PLEKHM2: variants seen among roughly 807,000 people sequenced by gnomAD.
PLEKHM2 encodes the protein pleckstrin homology and RUN domain containing M2, also known as pleckstrin homology domain-containing family M member 2.
In PLEKHM2, 77 loss-of-function variants were observed where a neutral mutation model predicts 116.3. The ratio of observed to expected loss-of-function variants is 0.66; its 90% confidence interval spans 0.55 to 0.80. The LOEUF is 0.80. Ranked by LOEUF, PLEKHM2 falls within the 30% of genes least tolerant of loss-of-function variation. The pLI is 0.00. For synonymous variants in PLEKHM2, 562 were observed against 571.0 expected, an observed-to-expected ratio of 0.98 and a Z score of 0.22; for missense variants, 1,183 against 1,354.9, an observed-to-expected ratio of 0.87 and a Z score of 1.99.
At chr1:15,681,576 G>A (rs376373184), upstream of PLEKHM2, 4 of 478,732 alleles carry the variant, frequency 8.4e-6, no homozygotes, top group Non-Finnish European at 1.7e-5. Flanking sequence ...AGCTTGTTGG[G>A]TCAGTTTTGG....
rs372581458 is a variant in PLEKHM2, at chr1:15,727,988, C to T, written c.1761-91C>T. ...CCTAACTTTGGCTCCTAGTGGGAGG[C>T]GGAGGCACTACCCCCTGGCTCTGGG... On this transcript the variant is annotated intron_variant, in intron 9 of 19. Transcript: ENST00000375799. This position sits in a 1 kb window ranked among gnomAD's most constrained non-coding sequence, Gnocchi z 7.5. The T allele has an allele frequency of 8.1e-6, 10 of 1,241,556 alleles. No homozygotes were observed. The highest frequency in any genetic ancestry group is 3.0e-5 in the African/African-American group (2 of 67,274). 76.9% of individuals were successfully genotyped at this position (1,241,556 alleles called of 1,614,324 possible).
rs1016630573 is a variant in PLEKHM2, at chr1:15,729,666, T to C, written c.2076-131T>C. The C allele has an allele frequency of 1.3e-6, 1 of 747,842 alleles. No homozygotes were observed. The highest frequency in any genetic ancestry group is 1.7e-5 in the African/African-American group (1 of 57,336). 46.3% of individuals were successfully genotyped at this position (747,842 alleles called of 1,614,324 possible). On this transcript the variant is annotated intron_variant, in intron 13 of 19. Coordinates refer to ENST00000375799, the MANE Select transcript of PLEKHM2 (RefSeq NM_015164.4). The surrounding 1 kb of genome is among the most constrained non-coding windows in gnomAD (Gnocchi z 4.7). ...GTCATTGCCGCACCTGCCGCCCTGG[T>C]CACTGGGTCTAGCCAGGTCTCTCCC...
chr1:15,684,848 TC>T (rs1424382819), intron 1 of PLEKHM2, among the ~76,000 whole-genome samples: 2 of 151,798 alleles, frequency 1.3e-5, no homozygotes, highest in African/African-American at 2.4e-5. Context: ...CCTCGGAGCT[TC>T]CCCAAACCTG....
rs560767681 is a variant in PLEKHM2, at chr1:15,728,400, T to G, written c.1921+43T>G. ...GCAGACAGCGGGTTGTAGACGAGGC[T>G]GACTCTCAGCCCCTTTTCCCCAGTC... On this transcript the variant is annotated intron_variant, in intron 11 of 19. Transcript: ENST00000375799. The surrounding 1 kb of genome is among the most constrained non-coding windows in gnomAD (Gnocchi z 5.9). 1 of 1,546,570 alleles carries G rather than the reference T, an allele frequency of 6.5e-7. No homozygotes were observed. The highest frequency in any genetic ancestry group is 1.4e-5 in the African/African-American group (1 of 73,816).
At position 15,732,466 on chromosome 1, in the gene PLEKHM2, C is replaced by A. The variant is rs914651221; in HGVS notation, c.2742C>A (p.Gly914=). ...AGACCAGCTTCTTCCGCTCTTTGGG[C>A]ACAGCCAAGCTGGGCGACATCAGCG... ...DCQTSFFRSL[G]TAKLGDISAV... Residue 914 remains glycine, a synonymous_variant, in exon 18 of 20, where the codon GGC becomes GGA. Coordinates refer to ENST00000375799, the MANE Select transcript of PLEKHM2 (RefSeq NM_015164.4). 1.2e-6 allele frequency: 2 copies of A among 1,603,482 alleles called. No homozygotes were observed. Among genetic ancestry groups the A allele is most frequent in the African/African-American group, 2.7e-5 (2 of 74,788 alleles).
intron 1 of PLEKHM2, among the ~76,000 whole-genome samples, chr1:15,709,685 C>T (rs1184385498): frequency 1.3e-5 from 2 of 152,198 alleles, no homozygotes; most frequent in African/African-American, 4.8e-5. Flanking sequence ...CATATACACT[C>T]TTTGTACTGT....
intron 1 of PLEKHM2, among the ~76,000 whole-genome samples, chr1:15,702,038 C>T (rs1310685762): frequency 3.3e-5 from 5 of 152,172 alleles, no homozygotes; most frequent in African/African-American, 7.2e-5. Flanking sequence ...CTGATACGGA[C>T]GGGTCGCCCA....
intron 1 of PLEKHM2, among the ~76,000 whole-genome samples, chr1:15,692,744 A>G (rs944980496): frequency 6.8e-6 from 1 of 147,880 alleles, no homozygotes; most frequent in Non-Finnish European, 1.5e-5. Flanking sequence ...TGCCCCATTC[A>G]CTTTTTCTTT....
upstream of PLEKHM2, among the ~76,000 whole-genome samples, chr1:15,682,324 G>A (rs1162021318): frequency 2.6e-5 from 4 of 151,306 alleles, no homozygotes; most frequent in Non-Finnish European, 5.9e-5. Context: ...GGTGGCAGGC[G>A]CCCGTAATCC....
Position 15,725,528 on chromosome 1 carries a change from G to T in PLEKHM2, c.924G>T (p.Thr308=). ...CCCTGGACCCGCCGGATGCCTGCAC[G>T]GAGCTCGAGGTCATCAGGTCAGCAG... ...AQALDPPDAC[T]ELEVIRVTKK... The change falls in exon 8 of 20, where the codon ACG becomes ACT. Residue 308 remains threonine (T), a synonymous_variant. Coordinates refer to ENST00000375799, the MANE Select transcript of PLEKHM2 (RefSeq NM_015164.4). The T allele has an allele frequency of 6.4e-7, 1 of 1,566,564 alleles. No individual in the cohort carries two copies. Among genetic ancestry groups the T allele is most frequent in the Non-Finnish European group, 8.6e-7 (1 of 1,156,578 alleles).
rs2148371649 is a variant in PLEKHM2, at chr1:15,727,175, T to C, written c.1103T>C (p.Met368Thr). The C allele has an allele frequency of 6.2e-7, 1 of 1,604,448 alleles. No individual in the cohort carries two copies. ...CTTGGGCGGGACTCGCCAGACACTA[T>C]GCTTGCCTCCCCCCAGGAGGAGGGA... ...PSLGRDSPDT[M>T]LASPQEEGEG... The change falls in exon 9 of 20, where the codon ATG (methionine) becomes ACG (threonine). Residue 368 changes from methionine to threonine, a missense_variant. Physicochemically the swap from Met to Thr is moderately conservative, Grantham distance 81 (BLOSUM62 -1). This residue lies in a region of PLEKHM2 where 372 missense variants were observed against 357.2 expected (regional missense o/e 1.04). Coordinates refer to ENST00000375799, the MANE Select transcript of PLEKHM2 (RefSeq NM_015164.4). The surrounding 1 kb of genome is among the most constrained non-coding windows in gnomAD (Gnocchi z 7.5).
intron 7 of PLEKHM2, among the ~76,000 whole-genome samples, chr1:15,724,534 C>T (rs1324092055): frequency 6.6e-6 from 1 of 151,632 alleles, no homozygotes; most frequent in Non-Finnish European, 1.5e-5. Context: ...CTTGCAGGGG[C>T]ACCTGGTCCT....
intron 4 of PLEKHM2, 80 bp downstream of exon 4, chr1:15,718,072 C>A: frequency 1.1e-6 from 1 of 890,986 alleles, no homozygotes. Context: ...GTCATGCAGA[C>A]AGCACAGTGT....
rs375841573 is a variant in PLEKHM2 at position 15,732,413 on chromosome 1, C to T, written c.2689C>T (p.Arg897Cys). The T allele has an allele frequency of 2.5e-5, 39 of 1,574,168 alleles. No individual in the cohort carries two copies. The highest frequency in any genetic ancestry group is 1.1e-4 in the African/African-American group (8 of 74,186). ...IPCCLVLTDD[R>C]LFTCHEDCQT... The stretch of plus-strand genomic sequence containing the variant: ...CTGCTGCCTGGTCCTCACGGATGAC[C>T]GCCTCTTTACGTGCCATGAGGATTG... Residue 897 changes from arginine (R) to cysteine (C), a missense_variant, in exon 18 of 20, where the codon CGC becomes TGC. This residue lies in a region of PLEKHM2 where 594 missense variants were observed against 720.1 expected (regional missense o/e 0.82). Coordinates refer to ENST00000375799, the MANE Select transcript of PLEKHM2 (RefSeq NM_015164.4).
At chr1:15,699,133 T>A (rs1180245465) in intron 1 of PLEKHM2, among the ~76,000 whole-genome samples, 1 of 152,068 alleles carries the variant, frequency 6.6e-6, no homozygotes, top group Non-Finnish European at 1.5e-5. Flanking sequence ...GAGACCAGCC[T>A]GGGCAATATA....
intron 1 of PLEKHM2, among the ~76,000 whole-genome samples, chr1:15,705,108 C>T (rs893497874): frequency 6.6e-6 from 1 of 151,994 alleles, no homozygotes; most frequent in Non-Finnish European, 1.5e-5. Flanking sequence ...GCGGCACCCC[C>T]CCTGCCCCTG....
At position 15,731,214 on chromosome 1, in the gene PLEKHM2, C is replaced by T. The variant is rs376489641; in HGVS notation, c.2422C>T (p.Pro808Ser). Reference sequence around the variant, plus strand: ...CAGCAACGGGATCCTCTACCAGTACCCGGACCGCACCGACGTCATCCCTCT... The same window carrying T: ...CAGCAACGGGATCCTCTACCAGTACTCGGACCGCACCGACGTCATCCCTCT... ...VLSNGILYQY[P>S]DRTDVIPLLS... is the part of the protein sequence containing the mutation. The change falls in exon 16 of 20, where the codon CCG becomes TCG. Residue 808 changes from proline (P) to serine (S), a missense_variant. Physicochemically the swap from Pro to Ser is moderately conservative, Grantham distance 74. Around this residue, in one of 3 missense-constraint regions of PLEKHM2, gnomAD observed 594 missense variants for 720.1 expected, o/e 0.82. Transcript: ENST00000375799. 1 of 1,598,650 alleles carries T rather than the reference C, an allele frequency of 6.3e-7. No homozygotes were observed. Among genetic ancestry groups the T allele is most frequent in the South Asian group, 1.1e-5 (1 of 88,336 alleles).
In PLEKHM2 at chr1:15,684,503, G is replaced by T; in HGVS notation, c.-56G>T. The T allele has an allele frequency of 1.1e-6, 1 of 935,440 alleles. No homozygotes were observed. Among genetic ancestry groups the T allele is most frequent in the Non-Finnish European group, 1.3e-6 (1 of 798,018 alleles). 57.9% of individuals were successfully genotyped at this position (935,440 alleles called of 1,614,324 possible). ...GCCCCCGGCCCCCGGCGCGGGAAGC[G>T]GCGGCGGGGCGGCGGCGGCGGTGGC... On this transcript the variant is annotated 5_prime_UTR_variant, in exon 1 of 20. Coordinates refer to ENST00000375799, the MANE Select transcript of PLEKHM2 (RefSeq NM_015164.4).
At chr1:15,695,141 ATTAG>A (rs1248016042) in intron 1 of PLEKHM2, among the ~76,000 whole-genome samples, 1 of 152,228 alleles carries the variant, frequency 6.6e-6, no homozygotes, top group Non-Finnish European at 1.5e-5. Flanking sequence ...GGAAGAAGGT[ATTAG>A]TTTCTTATAA....
Sources: allele counts gnomAD v4.1 joint callset (sites outside exome capture counted in the v4.1 genomes callset), GRCh38; gene constraint gnomAD v4.1.1; regional missense constraint gnomAD v4.1.1; non-coding constraint Gnocchi (gnomAD v3.1); transcripts MANE v1.5; gene names NCBI Gene and HGNC (gene_info 2026-07-23, HGNC 2026-07-21).